NLRP1: variants seen among roughly 807,000 people sequenced by gnomAD.
The protein encoded by NLRP1 is NLR family pyrin domain containing 1, also known as NACHT, LRR and PYD domains-containing protein 1.
A neutral mutation model predicts 136.7 loss-of-function variants in NLRP1; 94 were observed. The observed-to-expected ratio is 0.69, with a 90% confidence interval of 0.58 to 0.82. The LOEUF (loss-of-function observed/expected upper bound fraction) is 0.82. Among genes scored for constraint, NLRP1 ranks in the 40% least tolerant of loss-of-function variants. The pLI, the probability that NLRP1 is intolerant of heterozygous loss-of-function variation, is 0.00. For missense variants in NLRP1, 1,575 were observed against 1,802.7 expected, an observed-to-expected ratio of 0.87 and a Z score of 2.29; for synonymous variants, 690 against 725.1, an observed-to-expected ratio of 0.95 and a Z score of 0.78.
Position 5,583,889 on chromosome 17 carries a change from C to T in NLRP1, c.69G>A (p.Glu23=). 1.2e-6 allele frequency: 2 copies of T among 1,600,780 alleles called. No individual in the cohort carries two copies. The highest frequency in any genetic ancestry group is 1.7e-6 in the Non-Finnish European group (2 of 1,172,574). ...CTTTATTGGCGAGCAGAAGCTGGAA[C>T]TCCTTCAGCTCCTCCTTCTTCAGGA... ...LEFLKKEELK[E]FQLLLANKAH... Residue 23 remains glutamate (E), a synonymous_variant, in exon 1 of 17, where the codon GAG becomes GAA. Transcript: ENST00000572272. This position sits in a 1 kb window ranked among gnomAD's most constrained non-coding sequence, Gnocchi z 4.5.
Position 5,558,731 on chromosome 17 carries a change from C to CT in NLRP1, c.1964dup (p.Thr656AspfsTer25), listed in dbSNP as rs752172965. On this transcript the variant is annotated frameshift_variant, in exon 4 of 17. Transcript: ENST00000572272. LOFTEE classifies it high-confidence loss of function. Reference sequence around the variant, plus strand: ...CATGTATTCCATATGCTTCTAGCGTCTTTTCCAAATCTATGATGCAATTAG... The same window carrying CT: ...CATGTATTCCATATGCTTCTAGCGTCTTTTTCCAAATCTATGATGCAATTAG... 1 of 1,614,194 alleles carries CT rather than the reference C, an allele frequency of 6.2e-7. No individual in the cohort carries two copies. The highest frequency in any genetic ancestry group is 1.1e-5 in the South Asian group (1 of 91,086).
rs570751380 is a variant in NLRP1 at position 5,569,713 on chromosome 17, A to G, written c.653-9670T>C. ...ACTGACAGTATTGAACAGATCATCA[A>G]GGCAGAATACTAACAAAGATATTTG... is the stretch of plus-strand genomic sequence containing the variant. On this transcript the variant is annotated intron_variant, in intron 3 of 16. Transcript: ENST00000572272. Among the ~76,000 whole-genome samples the G allele has an allele frequency of 2.9e-3, 436 of 152,312 alleles. 4 individuals are homozygous for G. The highest frequency in any genetic ancestry group is 9.9e-3 in the African/African-American group (411 of 41,574).
Position 5,530,665 on chromosome 17 carries a change from G to C in NLRP1, c.3336C>G (p.Asn1112Lys). The C allele has an allele frequency of 2.5e-6, 4 of 1,614,232 alleles. No individual in the cohort carries two copies. Among genetic ancestry groups the C allele is most frequent in the Non-Finnish European group, 2.5e-6 (3 of 1,180,044 alleles). The change falls in exon 12 of 17, where the codon AAC becomes AAG. Residue 1112 changes from asparagine (N) to lysine (K), a missense_variant. Physicochemically the swap from Asn to Lys is moderately conservative, Grantham distance 94. Coordinates refer to ENST00000572272, the MANE Select transcript of NLRP1 (RefSeq NM_033004.4). ...FPVAGSYRWPNTGLCFVMREA... is the reference protein window; with the variant it reads ...FPVAGSYRWPKTGLCFVMREA... ...CTCTCATCACAAAGCAGAGACCCGT[G>C]TTGGGCCAGCGGTAGGAGCCAGCTA...
rs199948263 is a variant in NLRP1 at position 5,521,588 on chromosome 17, C to A, written c.3719G>T (p.Arg1240Leu). 6.2e-7 allele frequency: 1 copy of A among 1,614,074 alleles called. No individual in the cohort carries two copies. Among genetic ancestry groups the A allele is most frequent in the Non-Finnish European group, 8.5e-7 (1 of 1,179,988 alleles). ...PVTSVVLLYH[R>L]VHPEEVTFHL... ...GAAGGTGACTTCCTCAGGATGGACG[C>A]GGTGGTAAAGCAACACCACAGAGGT... is the stretch of plus-strand genomic sequence containing the variant. The change falls in exon 13 of 17, where the codon CGC (arginine) becomes CTC (leucine). Residue 1240 changes from arginine (R) to leucine (L), a missense_variant. Physicochemically the swap from Arg to Leu is moderately radical, Grantham distance 102 (BLOSUM62 -2). Transcript: ENST00000572272.
chr17:5,584,202 G>C lies in NLRP1; in HGVS notation c.-245C>G. Reference sequence around the variant, plus strand: ...GACACTGGAAGAAGTCAGCTGATAGGGAGGTCCTGGGATGGGGTCCAGGGC... The same window carrying C: ...GACACTGGAAGAAGTCAGCTGATAGCGAGGTCCTGGGATGGGGTCCAGGGC... On this transcript the variant is annotated 5_prime_UTR_variant, in exon 1 of 17. Transcript: ENST00000572272. The C allele has an allele frequency of 3.7e-6, 2 of 547,610 alleles. No individual in the cohort carries two copies. Among genetic ancestry groups the C allele is most frequent in the Non-Finnish European group, 6.5e-6 (2 of 305,566 alleles). The allele number at this position is 547,610 out of a possible 1,614,324, so 33.9% of individuals were successfully genotyped here.
In NLRP1 at chr17:5,584,145, C is replaced by A. The variant is rs117124363; in HGVS notation, c.-188G>T. On this transcript the variant is annotated 5_prime_UTR_variant, in exon 1 of 17. Coordinates refer to ENST00000572272, the MANE Select transcript of NLRP1 (RefSeq NM_033004.4). ...ATAGAGGGGGAGTGGTAGGAAAAGCCAGGGGAGGGAGGAGCCCAGAGGGGC... is the reference window on the plus strand; with the variant it reads ...ATAGAGGGGGAGTGGTAGGAAAAGCAAGGGGAGGGAGGAGCCCAGAGGGGC... 8.4e-3 allele frequency: 5,301 copies of A among 628,328 alleles called. 33 individuals are homozygous for A. Among genetic ancestry groups the A allele is most frequent in the Non-Finnish European group, 0.011 (3,905 of 365,176 alleles). The allele number at this position is 628,328 out of a possible 1,614,324, so 38.9% of individuals were successfully genotyped here.
At chr17:5,545,367 CACAG>C (rs1239092771) in intron 5 of NLRP1, among the ~76,000 whole-genome samples, 42 of 151,266 alleles carry the variant, frequency 2.8e-4, no homozygotes, top group East Asian at 1.4e-3. Context: ...CAGACACCCA[CACAG>C]ACACAGACAC....
At position 5,514,980 on chromosome 17, in the gene NLRP1, A is replaced by G. The variant is rs1267518539; in HGVS notation, c.4196T>C (p.Val1399Ala). Residue 1399 changes from valine (V) to alanine (A), a missense_variant, in exon 17 of 17, where the codon GTC becomes GCC. Val to Ala is a moderately conservative substitution (Grantham distance 64). Coordinates refer to ENST00000572272, the MANE Select transcript of NLRP1 (RefSeq NM_033004.4). ...CACCTGTCCATGCAGTTTGTCCAAG[A>G]CAACCTCCACCGATGTCACTCGGGC... is the stretch of plus-strand genomic sequence containing the variant. ...LIARVTSVEV[V>A]LDKLHGQVLS... 3.1e-6 allele frequency: 5 copies of G among 1,614,036 alleles called. No individual in the cohort carries two copies. Among genetic ancestry groups the G allele is most frequent in the Non-Finnish European group, 4.2e-6 (5 of 1,180,036 alleles).
chr17:5,512,269 G>C, downstream of NLRP1: 1 of 1,538,322 alleles, frequency 6.5e-7, no homozygotes. Context: ...ACAAGATCTA[G>C]ACAGGTGCCC....
intron 9 of NLRP1, 85 bp downstream of exon 9, chr17:5,533,812 G>T: frequency 2.2e-6 from 2 of 894,628 alleles, no homozygotes; most frequent in Non-Finnish European, 3.6e-6. Context: ...CACATCAGGG[G>T]CAGAGGGATG....
At chr17:5,534,057 A>G in intron 8 of NLRP1, 69 bp from the exon 9 acceptor site, 1 of 1,127,048 alleles carries the variant, frequency 8.9e-7, no homozygotes, top group South Asian at 1.2e-5. Context: ...TGACATTCCC[A>G]CTAAAAATTC....
At chr17:5,501,919 A>G in intron 15 of NLRP1, 2 of 1,538,230 alleles carry the variant, frequency 1.3e-6, no homozygotes, top group Non-Finnish European at 1.8e-6. Context: ...GAGTCCCAGT[A>G]GATTGGAGAG....
At chr17:5,528,040 T>C (rs1909776021) in intron 12 of NLRP1, among the ~76,000 whole-genome samples, 1 of 152,154 alleles carries the variant, frequency 6.6e-6, no homozygotes, top group African/African-American at 2.4e-5. Flanking sequence ...CTGCATGAGG[T>C]TTCTCCTGGA....
chr17:5,581,913 C>T lies in NLRP1; in HGVS notation c.598G>A (p.Glu200Lys), dbSNP rs757866341. 5.6e-6 allele frequency: 9 copies of T among 1,613,804 alleles called. No individual in the cohort carries two copies. Among genetic ancestry groups the T allele is most frequent in the Non-Finnish European group, 7.6e-6 (9 of 1,179,980 alleles). The change falls in exon 3 of 17, where the codon GAG (glutamate) becomes AAG (lysine). Residue 200 changes from glutamate to lysine, a missense_variant. By Grantham distance (56) the Glu-to-Lys change is moderately conservative. Transcript: ENST00000572272. The stretch of plus-strand genomic sequence containing the variant: ...AGAGGCCATTGGGTCCCAGGAGCCT[C>T]CTGCTCTCTGGGTGCTAGGCTGGGC... ...PQPSLAPREQ[E>K]APGTQWPLDE...
At position 5,583,143 on chromosome 17, in the gene NLRP1, G is replaced by A. The variant is rs932069149; in HGVS notation, c.272-297C>T. On this transcript the variant is annotated intron_variant, in intron 1 of 16. Transcript: ENST00000572272. The surrounding 1 kb of genome is among the most constrained non-coding windows in gnomAD (Gnocchi z 4.5). ...CTCAGCTGTGCTTTATTGGGCCAAC[G>A]GCATCTGCAACCCAGGGTGGCTAAT... Among the ~76,000 whole-genome samples, 25 of 152,094 alleles carry A rather than the reference G, an allele frequency of 1.6e-4. No individual in the cohort carries two copies. Among genetic ancestry groups the A allele is most frequent in the African/African-American group, 5.6e-4 (23 of 41,376 alleles).
intron 7 of NLRP1, 35 bp downstream of exon 7, chr17:5,539,380 T>C (rs1480618328): frequency 6.3e-7 from 1 of 1,575,838 alleles, no homozygotes; most frequent in Non-Finnish European, 8.6e-7. Context: ...CCCAACCCTC[T>C]TCCCTCTGCC....
Position 5,539,704 on chromosome 17 carries a change from C to A in NLRP1, c.2700-119G>T. ...CCTTTTGAGGGTCTGGGATGACATG[C>A]AGAGAAGATACAAACTTTCCTGGCT... On this transcript the variant is annotated intron_variant, in intron 6 of 16. Transcript: ENST00000572272. 2 of 1,412,930 alleles carry A rather than the reference C, an allele frequency of 1.4e-6. 1 individual carries two copies. Among genetic ancestry groups the A allele is most frequent in the Admixed American group, 6.2e-5 (2 of 32,348 alleles). The allele number at this position is 1,412,930 out of a possible 1,614,324, so 87.5% of individuals were successfully genotyped here. A position where few individuals can be genotyped will look rare whatever the true frequency, so the allele number is the denominator to read the frequency against.
chr17:5,558,694 C>T lies in NLRP1; in HGVS notation c.2002G>A (p.Ala668Thr). ...EAYGIHGLFG[A>T]STTRFLLGLL... The stretch of plus-strand genomic sequence containing the variant: ...CCCAATAGGAAACGTGTGGTTGATG[C>T]CCCAAACAGGCCATGTATTCCATAT... The change falls in exon 4 of 17, where the codon GCA becomes ACA. Residue 668 changes from alanine to threonine, a missense_variant. Transcript: ENST00000572272. The T allele has an allele frequency of 6.2e-7, 1 of 1,614,164 alleles. No individual in the cohort carries two copies. Among genetic ancestry groups the T allele is most frequent in the South Asian group, 1.1e-5 (1 of 91,086 alleles).
chr17:5,584,162 C>T lies in NLRP1; in HGVS notation c.-205G>A, dbSNP rs1042389042. The T allele has an allele frequency of 6.6e-6, 4 of 603,490 alleles. No homozygotes were observed. Among genetic ancestry groups the T allele is most frequent in the South Asian group, 4.1e-5 (2 of 49,186 alleles). The allele number at this position is 603,490 out of a possible 1,614,324, so 37.4% of individuals were successfully genotyped here. On this transcript the variant is annotated 5_prime_UTR_variant, in exon 1 of 17. Transcript: ENST00000572272. The stretch of plus-strand genomic sequence containing the variant: ...GGAAAAGCCAGGGGAGGGAGGAGCC[C>T]AGAGGGGCCTGCAAGACACTGGAAG...
Sources: gnomAD v4.1 joint callset for allele counts (sites outside exome capture counted in the v4.1 genomes callset) on GRCh38, gnomAD v4.1.1 for gene constraint, Gnocchi (gnomAD v3.1) non-coding constraint, MANE v1.5 for transcripts, NCBI Gene and HGNC (gene_info 2026-07-23, HGNC 2026-07-21) for gene names.